IQSEC1: variants seen among roughly 807,000 people sequenced by gnomAD.
IQSEC1 encodes IQ motif and SEC7 domain-containing protein 1.
IQSEC1 carries 31 observed loss-of-function variants against 91.0 expected under a neutral mutation model. The ratio of observed to expected loss-of-function variants is 0.34; its 90% CI spans 0.26 to 0.46. IQSEC1 has a LOEUF of 0.46. Among genes scored for constraint, IQSEC1 ranks in the 20% least tolerant of loss-of-function variants. The pLI is 1.00. For missense variants in IQSEC1, 1,388 were observed against 1,575.6 expected (o/e 0.88, Z 2.02); for synonymous variants, 699 against 662.6 (o/e 1.05, Z -0.84).
chr3:12,913,248 G>A (rs1326819778), intron 9 of IQSEC1, among the ~76,000 whole-genome samples, 180 bp downstream of exon 9: 2 of 152,230 alleles, frequency 1.3e-5, no homozygotes, highest in Non-Finnish European at 2.9e-5. Flanking sequence ...ATCTCCCTCT[G>A]GACCTGTGCA....
chr3:13,104,142 G>A (rs1706107863), intron 2 of IQSEC1, among the ~76,000 whole-genome samples: 1 of 152,036 alleles, frequency 6.6e-6, no homozygotes, highest in African/African-American at 2.4e-5. Context: ...AGCTCCGATG[G>A]GCAAGGACTG....
chr3:13,209,118 G>A lies in IQSEC1; in HGVS notation c.273-44985C>T, dbSNP rs552882132. Among the ~76,000 whole-genome samples, 12 of 152,288 alleles carry A rather than the reference G, an allele frequency of 7.9e-5. No individual in the cohort carries two copies. In the South Asian group the frequency reaches 1.4e-3, roughly 18 times the overall value. On this transcript the variant is annotated intron_variant, in intron 1 of 15. Coordinates refer to the IQSEC1 transcript ENST00000648114. Reference sequence around the variant, plus strand: ...GTTGTCCCTTTGGCTGAGCCCAGGCGAGGCAGCCAGTTTATATTCAGGGGC... The same window carrying A: ...GTTGTCCCTTTGGCTGAGCCCAGGCAAGGCAGCCAGTTTATATTCAGGGGC...
chr3:12,915,991 AG>A (rs1696052080), intron 6 of IQSEC1, among the ~76,000 whole-genome samples: 2 of 152,186 alleles, frequency 1.3e-5, no homozygotes, highest in African/African-American at 4.8e-5. Flanking sequence ...CCATTTTCAG[AG>A]GGCTTTATAA....
intron 1 of IQSEC1, among the ~76,000 whole-genome samples, chr3:13,003,299 A>AAAAAG (rs1553675624): frequency 6.6e-6 from 1 of 150,526 alleles, no homozygotes; most frequent in African/African-American, 2.4e-5. Flanking sequence ...AAAAAAAAAA[A>AAAAAG]GGAATGAAGT....
intron 1 of IQSEC1, among the ~76,000 whole-genome samples, chr3:13,234,469 G>A (rs1308505817): frequency 1.3e-5 from 2 of 152,194 alleles, no homozygotes; most frequent in African/African-American, 2.4e-5. Context: ...GCCTGGGGTC[G>A]AACCTGCCCC....
Position 13,156,613 on chromosome 3 carries a change from T to A in IQSEC1, c.302+7491A>T, listed in dbSNP as rs999450924. On this transcript the variant is annotated intron_variant, in intron 2 of 15. Coordinates refer to the IQSEC1 transcript ENST00000648114. ...AAGTACAGAGACCAAAATAGCATGC[T>A]GTGCCAGGGCACATGGCAGAGCACT... 2.6e-5 allele frequency among the ~76,000 whole-genome samples: 4 copies of A among 152,254 alleles called. No homozygotes were observed. In the South Asian group the frequency reaches 8.3e-4, roughly 32 times the overall value.
chr3:13,111,125 C>A (rs1706238005), intron 2 of IQSEC1, among the ~76,000 whole-genome samples: 1 of 152,184 alleles, frequency 6.6e-6, no homozygotes, highest in African/African-American at 2.4e-5. Context: ...GGCTGGAGAG[C>A]AAAACACTGC....
At chr3:12,982,014 G>C (rs1022383382) in intron 1 of IQSEC1, among the ~76,000 whole-genome samples, 8 of 152,226 alleles carry the variant, frequency 5.3e-5, no homozygotes, top group African/African-American at 1.9e-4. Context: ...TGTGTGACCT[G>C]AGCTGGATTT....
chr3:13,102,872 A>G (rs953188955), intron 2 of IQSEC1, among the ~76,000 whole-genome samples: 8 of 152,210 alleles, frequency 5.3e-5, no homozygotes, highest in Non-Finnish European at 8.8e-5. Flanking sequence ...CACGGCCCAC[A>G]TATTACTGCA....
chr3:12,910,577 CAGG>C (rs1007004486), intron 10 of IQSEC1, among the ~76,000 whole-genome samples: 9 of 152,224 alleles, frequency 5.9e-5, no homozygotes, highest in Non-Finnish European at 8.8e-5. Context: ...ACAGGAATGG[CAGG>C]AGGTGGGGAG....
chr3:13,092,564 A>G (rs376898677), intron 2 of IQSEC1, among the ~76,000 whole-genome samples: 4 of 152,114 alleles, frequency 2.6e-5, no homozygotes, highest in South Asian at 4.2e-4. Context: ...AAGGACCAGG[A>G]GCAGCGCGTG....
intron 1 of IQSEC1, among the ~76,000 whole-genome samples, chr3:13,049,734 T>C (rs1205308452): frequency 3.3e-5 from 5 of 152,166 alleles, no homozygotes; most frequent in African/African-American, 1.2e-4. Context: ...TCTCTCACTT[T>C]CCTAATAATA....
intron 1 of IQSEC1, among the ~76,000 whole-genome samples, chr3:13,038,295 T>TATAC (rs1185994435): frequency 7.6e-6 from 1 of 132,372 alleles, no homozygotes; most frequent in African/African-American, 2.9e-5. Flanking sequence ...TATATATATA[T>TATAC]ATAAAATGAA....
chr3:12,947,354 G>A (rs1230408064), intron 1 of IQSEC1, among the ~76,000 whole-genome samples: 3 of 152,140 alleles, frequency 2.0e-5, no homozygotes, highest in Admixed American at 6.5e-5. Flanking sequence ...TCCAATCCTG[G>A]CTGGAAGCCT....
At chr3:12,917,888 G>C (rs1696256238) in intron 6 of IQSEC1, among the ~76,000 whole-genome samples, 1 of 152,234 alleles carries the variant, frequency 6.6e-6, no homozygotes, top group African/African-American at 2.4e-5. Flanking sequence ...GGCTTCCGTG[G>C]TGAGCTACTC....
Position 12,924,145 on chromosome 3 carries a change from C to A in IQSEC1, c.1730+436G>T, listed in dbSNP as rs1696898186. 6.6e-6 allele frequency among the ~76,000 whole-genome samples: 1 copy of A among 152,170 alleles called. No individual in the cohort carries two copies. Among genetic ancestry groups the A allele is most frequent in the Admixed American group, 6.5e-5 (1 of 15,282 alleles). The stretch of plus-strand genomic sequence containing the variant: ...GTGAGTCAGGAGCAAACAGGGCATG[C>A]AGTCCATGCAGGAGGACAACAGCCA... On this transcript the variant is annotated intron_variant, in intron 4 of 13. Coordinates refer to ENST00000613206, the MANE Select transcript of IQSEC1 (RefSeq NM_001134382.3). The surrounding 1 kb of genome is among the most constrained non-coding windows in gnomAD (Gnocchi z 6.3).
In IQSEC1 at chr3:12,898,661, A is replaced by T. The variant is rs1693888820; in HGVS notation, c.*2322T>A. 1 of 152,278 alleles carries T rather than the reference A, an allele frequency of 6.6e-6. No homozygotes were observed. Among genetic ancestry groups the T allele is most frequent in the Admixed American group, 6.5e-5 (1 of 15,292 alleles). 9.4% of individuals were successfully genotyped at this position (152,278 alleles called of 1,614,324 possible). A position where few individuals can be genotyped will look rare whatever the true frequency, so the allele number is the denominator to read the frequency against. ...TTTTCTGGAACAACCTAAAGGTTACAGTTAGACTCTCCTCCCAGCACAGAA... is the reference window on the plus strand; with the variant it reads ...TTTTCTGGAACAACCTAAAGGTTACTGTTAGACTCTCCTCCCAGCACAGAA... On this transcript the variant is annotated 3_prime_UTR_variant, in exon 14 of 14. Coordinates refer to ENST00000613206, the MANE Select transcript of IQSEC1 (RefSeq NM_001134382.3).
rs111436486 is a variant in IQSEC1, at chr3:13,254,074, C to T, written c.272+28637G>A. ...TCGCATCTGAGGACAGAGGGCACTT[C>T]GGGCCACAGTCAGCCGTCACGTTGA... On this transcript the variant is annotated intron_variant, in intron 1 of 15. Transcript: ENST00000648114. Among the ~76,000 whole-genome samples the T allele has an allele frequency of 6.6e-4, 101 of 152,364 alleles. 1 individual carries two copies. Among genetic ancestry groups the T allele is most frequent in the African/African-American group, 2.4e-3 (98 of 41,586 alleles).
chr3:12,902,652 A>C (rs564868305), intron 13 of IQSEC1, 121 bp downstream of exon 13: 53 of 619,488 alleles, frequency 8.6e-5, no homozygotes, highest in African/African-American at 4.5e-4. Context: ...CCAAAAAAAA[A>C]AACAACAAAA....
Sources: allele counts gnomAD v4.1 joint callset (sites outside exome capture counted in the v4.1 genomes callset), GRCh38; gene constraint gnomAD v4.1.1; non-coding constraint Gnocchi (gnomAD v3.1); transcripts MANE v1.5; gene names NCBI Gene and HGNC (gene_info 2026-07-23, HGNC 2026-07-21).